Variants in PPM1H observed in about 807,000 individuals in gnomAD.
PPM1H encodes the protein protein phosphatase, Mg2+/Mn2+ dependent 1H.
Under a neutral mutation model 54.9 loss-of-function variants are expected in PPM1H, and 27 were observed. That is an observed-to-expected ratio of 0.49 (90% CI 0.36 to 0.68). The LOEUF is 0.68. Ranked by LOEUF, PPM1H falls within the 30% of genes least tolerant of loss-of-function variation. The pLI, the probability that PPM1H is intolerant of heterozygous loss-of-function variation, is 0.00. For synonymous variants in PPM1H, 305 were observed against 270.8 expected (o/e 1.13, Z -1.24); for missense variants, 596 against 667.8 (o/e 0.89, Z 1.19).
intron 1 of PPM1H, among the ~76,000 whole-genome samples, chr12:62,864,422 C>G (rs527552369): frequency 6.6e-6 from 1 of 152,296 alleles, no homozygotes; most frequent in Non-Finnish European, 1.5e-5. Flanking sequence ...AGCTGACATT[C>G]TCATGCCACC....
Position 62,836,094 on chromosome 12 carries a change from C to T in PPM1H, c.246-3815G>A, listed in dbSNP as rs112202876. 1.2e-4 allele frequency among the ~76,000 whole-genome samples: 18 copies of T among 152,308 alleles called. 1 individual carries two copies. Among genetic ancestry groups the T allele is most frequent in the African/African-American group, 4.1e-4 (17 of 41,564 alleles). Reference sequence around the variant, plus strand: ...ACCACCTTGAGGTCAACAGGAAAAACGACTATGCTATCTACATTCTTGGCC... The same window carrying T: ...ACCACCTTGAGGTCAACAGGAAAAATGACTATGCTATCTACATTCTTGGCC... On this transcript the variant is annotated intron_variant, in intron 1 of 9. Transcript: ENST00000228705.
chr12:62,894,927 C>A lies in PPM1H; in HGVS notation c.245+39565G>T, dbSNP rs1870929423. On this transcript the variant is annotated intron_variant, in intron 1 of 9. Transcript: ENST00000228705. ...AAAATACAATTTTTATTGTTGGGGGCTGCATGGCAACTTTGTAAAACTTAA... is the reference window on the plus strand; with the variant it reads ...AAAATACAATTTTTATTGTTGGGGGATGCATGGCAACTTTGTAAAACTTAA... 2.0e-5 allele frequency among the ~76,000 whole-genome samples: 3 copies of A among 152,320 alleles called. No individual in the cohort carries two copies. The South Asian group carries it at 6.2e-4, about 32-fold the overall frequency.
intron 4 of PPM1H, among the ~76,000 whole-genome samples, chr12:62,766,013 T>C (rs1043922565): frequency 7.2e-5 from 11 of 152,200 alleles, no homozygotes; most frequent in African/African-American, 2.7e-4. Context: ...CCACCCCACA[T>C]TGTAGTAATC....
chr12:62,903,536 C>T (rs1196998918), intron 1 of PPM1H, among the ~76,000 whole-genome samples: 3 of 152,194 alleles, frequency 2.0e-5, no homozygotes, highest in Non-Finnish European at 4.4e-5. Context: ...GGCCTGAGGG[C>T]CAGGTGTCCC....
At chr12:62,826,559 T>G (rs1868293413) in intron 2 of PPM1H, among the ~76,000 whole-genome samples, 1 of 152,258 alleles carries the variant, frequency 6.6e-6, no homozygotes. Context: ...ACATCACTGA[T>G]GTTTCTAACA....
chr12:62,747,606 A>T (rs2120564134), intron 4 of PPM1H, among the ~76,000 whole-genome samples: 1 of 152,346 alleles, frequency 6.6e-6, no homozygotes, highest in African/African-American at 2.4e-5. Context: ...ACACTCTGTT[A>T]GCACCTTCTT....
chr12:62,660,946 A>C (rs2075879210), intron 9 of PPM1H, among the ~76,000 whole-genome samples: 2 of 152,196 alleles, frequency 1.3e-5, no homozygotes, highest in African/African-American at 2.4e-5. Context: ...CTGGTTGTGA[A>C]TCATAATGAA....
chr12:62,836,256 G>A (rs1260323772), intron 1 of PPM1H, among the ~76,000 whole-genome samples: 1 of 152,190 alleles, frequency 6.6e-6, no homozygotes, highest in Non-Finnish European at 1.5e-5. Context: ...TAAACTGGAG[G>A]TAATAAGTCA....
rs930986757 is a variant in PPM1H at position 62,645,455 on chromosome 12, G to C, written c.*3034C>G. On this transcript the variant is annotated 3_prime_UTR_variant, in exon 10 of 10. Coordinates refer to ENST00000228705, the MANE Select transcript of PPM1H (RefSeq NM_020700.2). ...GACAGCTGAGTACTTGGCCTGGCCC[G>C]ATTTTCACCTTTCCTTTTACACCTC... 1 of 152,238 alleles carries C rather than the reference G, an allele frequency of 6.6e-6. No homozygotes were observed. Among genetic ancestry groups the C allele is most frequent in the Non-Finnish European group, 1.5e-5 (1 of 68,086 alleles). The allele number at this position is 152,238 out of a possible 1,614,324, so 9.4% of individuals were successfully genotyped here.
At chr12:62,709,678 T>C (rs2076195599) in intron 6 of PPM1H, among the ~76,000 whole-genome samples, 1 of 152,224 alleles carries the variant, frequency 6.6e-6, no homozygotes, top group Admixed American at 6.5e-5. Flanking sequence ...TTATCTTTTG[T>C]CTTGCTTTAG....
At chr12:62,656,613 T>TACAG (rs1265794584) in intron 9 of PPM1H, among the ~76,000 whole-genome samples, 2 of 152,154 alleles carry the variant, frequency 1.3e-5, no homozygotes, top group Admixed American at 6.5e-5. Flanking sequence ...ATTTGGATGG[T>TACAG]ACAGACAGGG....
chr12:62,667,725 T>G (rs1343985166), intron 8 of PPM1H, among the ~76,000 whole-genome samples: 2 of 152,214 alleles, frequency 1.3e-5, no homozygotes, highest in African/African-American at 4.8e-5. Flanking sequence ...ATTAAGGGCC[T>G]ACCCTGTGCC....
chr12:62,734,687 T>C (rs1397612062), intron 5 of PPM1H, among the ~76,000 whole-genome samples: 1 of 152,216 alleles, frequency 6.6e-6, no homozygotes, highest in Non-Finnish European at 1.5e-5. Flanking sequence ...AAAAGTTAAC[T>C]TATTATTCAT....
intron 6 of PPM1H, among the ~76,000 whole-genome samples, chr12:62,712,617 AG>A (rs2076213701): frequency 6.6e-6 from 1 of 152,198 alleles, no homozygotes; most frequent in African/African-American, 2.4e-5. Flanking sequence ...AAGCAGAAAG[AG>A]GGAAAAGTAC....
intron 3 of PPM1H, among the ~76,000 whole-genome samples, chr12:62,797,776 G>C (rs1310236796): frequency 4.6e-5 from 7 of 152,212 alleles, no homozygotes; most frequent in African/African-American, 1.4e-4. Context: ...ATAAGGTTAA[G>C]ACAGGCATTG....
At chr12:62,694,770 T>C (rs1389618599) in intron 6 of PPM1H, among the ~76,000 whole-genome samples, 1 of 152,228 alleles carries the variant, frequency 6.6e-6, no homozygotes, top group African/African-American at 2.4e-5. Context: ...TCAGTCTCAG[T>C]TTCCTCATCT....
intron 1 of PPM1H, among the ~76,000 whole-genome samples, chr12:62,919,867 C>T (rs1192112288): frequency 2.0e-5 from 3 of 152,044 alleles, no homozygotes; most frequent in Non-Finnish European, 2.9e-5. Context: ...TCTGTCAGCA[C>T]TAAACTGATG....
chr12:62,839,850 C>G (rs1180035943), intron 1 of PPM1H, among the ~76,000 whole-genome samples: 1 of 138,606 alleles, frequency 7.2e-6, no homozygotes, highest in East Asian at 2.1e-4. Flanking sequence ...CCAGCCTGGT[C>G]AACATGGTGT....
chr12:62,752,426 A>G (rs2076447541), intron 4 of PPM1H, among the ~76,000 whole-genome samples: 1 of 152,224 alleles, frequency 6.6e-6, no homozygotes, highest in Non-Finnish European at 1.5e-5. Flanking sequence ...TTATCATTAA[A>G]TAAAAATTTA....
Sources: allele counts gnomAD v4.1 joint callset (sites outside exome capture counted in the v4.1 genomes callset), GRCh38; gene constraint gnomAD v4.1.1; transcripts MANE v1.5; gene names NCBI Gene and HGNC (gene_info 2026-07-23, HGNC 2026-07-21).